ANKAR: variants seen among roughly 807,000 people sequenced by gnomAD.
ANKAR encodes ankyrin and armadillo repeat containing, also known as ankyrin and armadillo repeat-containing protein.
Under a neutral mutation model 146.2 loss-of-function variants are expected in ANKAR, and 136 were observed. That is an observed-to-expected ratio of 0.93 (90% CI 0.81 to 1.07). ANKAR has a LOEUF of 1.07. Ranked by LOEUF, ANKAR falls within the 50% of genes least tolerant of loss-of-function variation. The probability of loss-of-function intolerance (pLI) is 0.00; values close to 1 mark genes in which losing one functional copy is unlikely to be tolerated. For synonymous variants in ANKAR, 500 were observed against 575.8 expected (o/e 0.87, Z 1.88); for missense variants, 1,567 against 1,679.9 (o/e 0.93, Z 1.18).
At chr2:189,683,537 T>A (rs1291059234) in intron 2 of ANKAR, among the ~76,000 whole-genome samples, 4 of 152,214 alleles carry the variant, frequency 2.6e-5, no homozygotes, top group Non-Finnish European at 5.9e-5. Flanking sequence ...ACAAAAGGTG[T>A]CTGATACACA....
downstream of ANKAR, chr2:189,761,383 C>T (rs2047049498): frequency 1.9e-6 from 3 of 1,553,268 alleles, no homozygotes; most frequent in Admixed American, 2.2e-5. Context: ...TTACTTTTTC[C>T]AAAAAAGTGG....
chr2:189,752,693 C>G (rs1167930898), intron 18 of ANKAR: 1 of 1,613,732 alleles, frequency 6.2e-7, no homozygotes, highest in Admixed American at 1.7e-5. Flanking sequence ...TGTAAAATGC[C>G]CAAGCCAGCA....
chr2:189,715,551 T>C (rs915692644), intron 10 of ANKAR, among the ~76,000 whole-genome samples: 4 of 152,168 alleles, frequency 2.6e-5, no homozygotes, highest in African/African-American at 9.7e-5. Flanking sequence ...ACTATTTCAG[T>C]CAATAGAAAA....
chr2:189,749,231 G>A (rs186872665), downstream of ANKAR, among the ~76,000 whole-genome samples: 78 of 133,278 alleles, frequency 5.9e-4, no homozygotes, highest in Admixed American at 1.8e-3. Flanking sequence ...GGACAACAGA[G>A]CGAGACTCTG....
intron 20 of ANKAR, 41 bp from the exon 21 acceptor site, chr2:189,743,234 A>T (rs1486834323): frequency 1.3e-6 from 2 of 1,582,214 alleles, no homozygotes; most frequent in Non-Finnish European, 1.7e-6. Flanking sequence ...TATTTTAAGA[A>T]CAAAGCCCAC....
intron 6 of ANKAR, 78 bp downstream of exon 6, chr2:189,695,239 A>G: frequency 2.5e-6 from 3 of 1,207,724 alleles, no homozygotes; most frequent in Non-Finnish European, 3.4e-6. Context: ...ACAGATGTTT[A>G]TCCTAGGGAT....
chr2:189,702,507 T>G (rs924775988), intron 7 of ANKAR, among the ~76,000 whole-genome samples: 1 of 152,216 alleles, frequency 6.6e-6, no homozygotes, highest in Non-Finnish European at 1.5e-5. Context: ...GTTATGATTC[T>G]CTGAATCCAT....
At chr2:189,761,298 TAAA>T (rs1389336634), downstream of ANKAR, 14 of 1,049,506 alleles carry the variant, frequency 1.3e-5, no homozygotes, top group Admixed American at 3.3e-4. Context: ...TAGCAGTTAT[TAAA>T]AGTGTTTGCA....
chr2:189,692,630 T>G lies in ANKAR; in HGVS notation c.1203+212T>G, dbSNP rs565013393. The G allele has an allele frequency of 4.3e-5, 18 of 422,306 alleles. No homozygotes were observed. In the East Asian group the frequency reaches 8.2e-4, roughly 19 times the overall value. The allele number at this position is 422,306 out of a possible 1,614,324, so 26.2% of individuals were successfully genotyped here. On this transcript the variant is annotated intron_variant, in intron 4 of 22. Transcript: ENST00000684021. Reference sequence around the variant, plus strand: ...GTGTTGGATATCTGAGATAAAATTATAAATAAGCTAGGTACATCTATCACC... The same window carrying G: ...GTGTTGGATATCTGAGATAAAATTAGAAATAAGCTAGGTACATCTATCACC...
At position 189,754,091 on chromosome 2, in the gene ANKAR, G is replaced by A. The variant is rs1302920708; in HGVS notation, c.*585-7007G>A. 3 of 1,611,334 alleles carry A rather than the reference G, an allele frequency of 1.9e-6. No individual in the cohort carries two copies. The South Asian group carries it at 3.3e-5, about 18-fold the overall frequency. On this transcript the variant is annotated intron_variant and NMD_transcript_variant, in intron 18 of 18. Coordinates refer to the ANKAR transcript ENST00000441800. Reference sequence around the variant, plus strand: ...TGCAGAAATGAGCAGCTATTTTTAGGCACAATCCAGGAATATTTATCTGTT... The same window carrying A: ...TGCAGAAATGAGCAGCTATTTTTAGACACAATCCAGGAATATTTATCTGTT...
intron 2 of ANKAR, among the ~76,000 whole-genome samples, chr2:189,686,639 G>A (rs1398743006): frequency 2.0e-5 from 3 of 152,066 alleles, no homozygotes; most frequent in African/African-American, 7.2e-5. Context: ...TGATACCCTG[G>A]TTAAAGAAAA....
intron 18 of ANKAR, 94 bp from the exon 19 acceptor site, chr2:189,738,471 G>T: frequency 4.2e-6 from 3 of 708,012 alleles, no homozygotes; most frequent in East Asian, 5.5e-5. Context: ...AGTATCAAAA[G>T]AATTAAAAAA....
chr2:189,733,362 G>T, intron 17 of ANKAR, 133 bp downstream of exon 17: 2 of 755,036 alleles, frequency 2.6e-6, no homozygotes, highest in Non-Finnish European at 3.9e-6. Context: ...AGATCTCTTT[G>T]TAGGTCATTA....
intron 22 of ANKAR, 93 bp downstream of exon 22, chr2:189,744,881 G>A (rs186208538): frequency 1.0e-6 from 1 of 972,798 alleles, no homozygotes; most frequent in Non-Finnish European, 1.6e-6. Context: ...ATGTAGGCCG[G>A]GCACAGTGGC....
chr2:189,688,977 C>A (rs2036010557), intron 2 of ANKAR, among the ~76,000 whole-genome samples: 1 of 152,128 alleles, frequency 6.6e-6, no homozygotes, highest in Non-Finnish European at 1.5e-5. Context: ...AGTTATTCAG[C>A]ATCTGTTGGT....
intron 7 of ANKAR, among the ~76,000 whole-genome samples, chr2:189,704,026 A>T (rs75178169): frequency 0.08 from 12,217 of 152,220 alleles, 622 homozygotes; most frequent in East Asian, 0.13. Context: ...AAACCATATC[A>T]GGTAGTAAAG....
chr2:189,742,118 G>C (rs766795991), intron 20 of ANKAR, among the ~76,000 whole-genome samples: 3 of 152,168 alleles, frequency 2.0e-5, no homozygotes, highest in Non-Finnish European at 4.4e-5. Flanking sequence ...GTCTAAAGCA[G>C]TGTTACTCCA....
chr2:189,753,957 A>G (rs746112450), intron 18 of ANKAR: 3 of 1,613,812 alleles, frequency 1.9e-6, no homozygotes, highest in Admixed American at 3.3e-5. Flanking sequence ...CTCTGCTTAC[A>G]AAACAGAATA....
chr2:189,676,973 A>T lies in ANKAR; in HGVS notation c.483A>T (p.Ile161=). The T allele has an allele frequency of 6.2e-7, 1 of 1,613,972 alleles. No individual in the cohort carries two copies. Residue 161 remains isoleucine (I), a synonymous_variant, in exon 2 of 23, where the codon ATA becomes ATT. Transcript: ENST00000684021. ...DYMLKALWHG[I]YMPKEKRARF... ...TGCTGAAAGCACTATGGCATGGAAT[A>T]TATATGCCCAAAGAAAAACGAGCTA...
Sources: allele counts gnomAD v4.1 joint callset (sites outside exome capture counted in the v4.1 genomes callset), GRCh38; gene constraint gnomAD v4.1.1; transcripts MANE v1.5; gene names NCBI Gene and HGNC (gene_info 2026-07-23, HGNC 2026-07-21).